The following PMFBP1 variants were observed in gnomAD, a reference collection of about 807,000 sequenced individuals.
PMFBP1 encodes polyamine modulated factor 1 binding protein 1.
PMFBP1 carries 131 observed loss-of-function variants against 137.8 expected under a neutral mutation model. The ratio of observed to expected loss-of-function variants is 0.95; its 90% confidence interval spans 0.82 to 1.10. The LOEUF is 1.10. Among genes scored for constraint, PMFBP1 ranks in the 50% least tolerant of loss-of-function variants. The pLI is 0.00. For synonymous variants in PMFBP1, 490 were observed against 450.4 expected (o/e 1.09, Z -1.11); for missense variants, 1,199 against 1,175.4 (o/e 1.02, Z -0.29).
At chr16:72,129,018 T>TC (rs1567622523) in intron 13 of PMFBP1, 48 bp downstream of exon 13, 2 of 1,596,686 alleles carry the variant, frequency 1.3e-6, no homozygotes, top group Non-Finnish European at 8.5e-7. Flanking sequence ...TGGGGTCATG[T>TC]CCCGCTCTGG....
At chr16:72,217,014 C>G in the PMFBP1 span, among the ~76,000 whole-genome samples, 1 of 152,216 alleles carries the variant, frequency 6.6e-6, no homozygotes, top group African/African-American at 2.4e-5. Flanking sequence ...AATGAAGTGA[C>G]TGGACAGGAC....
chr16:72,185,033 T>C, the PMFBP1 span, among the ~76,000 whole-genome samples: 1 of 152,068 alleles, frequency 6.6e-6, no homozygotes, highest in South Asian at 2.1e-4. Flanking sequence ...TTTTCTTTTT[T>C]TTTTTTTTGA....
At chr16:72,203,944 G>A in the PMFBP1 span, among the ~76,000 whole-genome samples, 1 of 152,212 alleles carries the variant, frequency 6.6e-6, no homozygotes. Flanking sequence ...TCAGCCTCAG[G>A]CTGGATGTTC....
At chr16:72,202,095 T>C in the PMFBP1 span, among the ~76,000 whole-genome samples, 2 of 152,230 alleles carry the variant, frequency 1.3e-5, no homozygotes, top group East Asian at 3.9e-4. Context: ...TTGTATATCT[T>C]GTACACAAAA....
At chr16:72,221,779 T>C in the PMFBP1 span, among the ~76,000 whole-genome samples, 4 of 152,256 alleles carry the variant, frequency 2.6e-5, no homozygotes, top group Non-Finnish European at 5.9e-5. Flanking sequence ...ATGTTCCTGA[T>C]GATACTTCAT....
the PMFBP1 span, among the ~76,000 whole-genome samples, chr16:72,241,725 C>T: frequency 1.3e-5 from 2 of 152,202 alleles, no homozygotes; most frequent in Non-Finnish European, 2.9e-5. Flanking sequence ...GACAATTCAG[C>T]ATCCATGGAG....
intron 14 of PMFBP1, chr16:72,128,264 T>C: frequency 1.3e-6 from 1 of 748,676 alleles, no homozygotes; most frequent in South Asian, 1.9e-5. Context: ...TTCTGTCATT[T>C]TTACTTGTGT....
At chr16:72,245,610 C>T in the PMFBP1 span, among the ~76,000 whole-genome samples, 3 of 152,316 alleles carry the variant, frequency 2.0e-5, no homozygotes, top group South Asian at 2.1e-4. Context: ...CAATGGCTGA[C>T]GATGGCTAAT....
At chr16:72,127,664 G>C (rs2042481694) in intron 14 of PMFBP1, among the ~76,000 whole-genome samples, 1 of 152,204 alleles carries the variant, frequency 6.6e-6, no homozygotes, top group African/African-American at 2.4e-5. Flanking sequence ...AGAAGTTCTA[G>C]TAAAAGTTCT....
chr16:72,123,564 T>C lies in PMFBP1; in HGVS notation c.2675A>G (p.Gln892Arg), dbSNP rs878875069. The C allele has an allele frequency of 1.2e-6, 2 of 1,614,146 alleles. No individual in the cohort carries two copies. The highest frequency in any genetic ancestry group is 2.2e-5 in the South Asian group (2 of 91,074). Residue 892 changes from glutamine to arginine, a missense_variant, in exon 18 of 21, where the codon CAA (glutamine) becomes CGA (arginine). By Grantham distance (43) the Gln-to-Arg change is conservative. Transcript: ENST00000237353. ...TACTCACTTCTGCTGTTTTGCCCATTGCTCCAAGTTGGTCATAATCTGATC... is the reference window on the plus strand; with the variant it reads ...TACTCACTTCTGCTGTTTTGCCCATCGCTCCAAGTTGGTCATAATCTGATC... The part of the protein sequence containing the change: ...GNDQIMTNLE[Q>R]WAKQQKVANE...
At position 72,140,473 on chromosome 16, in the gene PMFBP1, AC is replaced by A. The variant is rs2042700844; in HGVS notation, c.745del (p.Val249SerfsTer29). The A allele has an allele frequency of 6.2e-7, 1 of 1,613,816 alleles. No homozygotes were observed. Among genetic ancestry groups the A allele is most frequent in the Non-Finnish European group, 8.5e-7 (1 of 1,179,868 alleles). On this transcript the variant is annotated frameshift_variant, in exon 6 of 21. Transcript: ENST00000237353. LOFTEE classifies it high-confidence loss of function. ...QKRLSEVWQK[V>X]SQQDDLIQEL... ...TTGAATGAGATCATCCTGTTGAGAG[AC>A]CTTTTGCCAGACTTCAGACAGTCGT...
In PMFBP1 at chr16:72,150,632, C is replaced by T. The variant is rs1227663177; in HGVS notation, c.612G>A (p.Gly204=). 3 of 1,613,326 alleles carry T rather than the reference C, an allele frequency of 1.9e-6. No homozygotes were observed. In the African/African-American group the frequency reaches 4.0e-5, roughly 22 times the overall value. The change falls in exon 5 of 21, where the codon GGG becomes GGA. Residue 204 remains glycine (G), a synonymous_variant. Transcript: ENST00000237353. The part of the protein sequence containing the change: ...LLECQVKMLQ[G]ELGGIMGQEP... ...CCTGACCCATGATCCCGCCGAGTTC[C>T]CCCTGCAACATCTTCACTTGGCATT...
chr16:72,186,965 T>C, the PMFBP1 span, among the ~76,000 whole-genome samples: 2 of 151,696 alleles, frequency 1.3e-5, no homozygotes, highest in Non-Finnish European at 2.9e-5. Context: ...ATACAAAAAT[T>C]AGCTGGGCAT....
Position 72,164,700 on chromosome 16 carries a change from G to A in PMFBP1, c.165+64C>T, listed in dbSNP as rs563780165. The A allele has an allele frequency of 9.6e-5, 146 of 1,525,426 alleles. 1 individual carries two copies. In the African/African-American group the frequency reaches 9.9e-4, roughly 10 times the overall value. 94.5% of individuals were successfully genotyped at this position (1,525,426 alleles called of 1,614,324 possible). On this transcript the variant is annotated intron_variant, in intron 3 of 20. Coordinates refer to ENST00000237353, the MANE Select transcript of PMFBP1 (RefSeq NM_031293.3). ...AGTGGAAGAACTTTCTATTATTCCC[G>A]CCCAAGGGAGCAGAGGCAGAAGTCA...
At chr16:72,153,123 T>G (rs181748760) in intron 4 of PMFBP1, among the ~76,000 whole-genome samples, 1 of 152,260 alleles carries the variant, frequency 6.6e-6, no homozygotes, top group African/African-American at 2.4e-5. Flanking sequence ...TGGACCCTTT[T>G]GTTTAAGTTG....
rs2043119222 is a variant in PMFBP1, at chr16:72,164,749, T to C, written c.165+15A>G. 2 of 1,576,654 alleles carry C rather than the reference T, an allele frequency of 1.3e-6. No homozygotes were observed. The highest frequency in any genetic ancestry group is 2.3e-5 in the East Asian group (1 of 44,166). Reference sequence around the variant, plus strand: ...CAAGAGAGCAGGGGTGAGCGGCTGCTGCCAAGTCCCTTACGTGGCTGCTGT... The same window carrying C: ...CAAGAGAGCAGGGGTGAGCGGCTGCCGCCAAGTCCCTTACGTGGCTGCTGT... On this transcript the variant is annotated intron_variant, in intron 3 of 20. Transcript: ENST00000237353.
chr16:72,219,927 C>G, the PMFBP1 span, among the ~76,000 whole-genome samples: 1 of 152,140 alleles, frequency 6.6e-6, no homozygotes, highest in Admixed American at 6.5e-5. Context: ...TTAGCAAAAG[C>G]AGCCTTCAGT....
rs761919153 is a variant in PMFBP1, at chr16:72,123,006, G to A, written c.2694-18C>T. 11 of 1,609,142 alleles carry A rather than the reference G, an allele frequency of 6.8e-6. No individual in the cohort carries two copies. In the South Asian group the frequency reaches 1.1e-4, roughly 16 times the overall value. On this transcript the variant is annotated intron_variant, in intron 18 of 20. Coordinates refer to ENST00000237353, the MANE Select transcript of PMFBP1 (RefSeq NM_031293.3). ...TGGCGACCCTGTAATAAAATCACAG[G>A]AGAAAACAGCAGCCAGTCGCCAGCC... is the stretch of plus-strand genomic sequence containing the variant.
At chr16:72,153,280 A>G (rs1360868607) in intron 4 of PMFBP1, among the ~76,000 whole-genome samples, 1 of 152,158 alleles carries the variant, frequency 6.6e-6, no homozygotes, top group Non-Finnish European at 1.5e-5. Flanking sequence ...GCAGATTTTC[A>G]CTAGGTGACA....
Sources: gnomAD v4.1 joint callset for allele counts (sites outside exome capture counted in the v4.1 genomes callset) on GRCh38, gnomAD v4.1.1 for gene constraint, MANE v1.5 for transcripts, NCBI Gene and HGNC (gene_info 2026-07-23, HGNC 2026-07-21) for gene names.